Variants in BCL2 observed in about 807,000 individuals in gnomAD.
BCL2 encodes apoptosis regulator Bcl-2.
Under a neutral mutation model 14.2 loss-of-function variants are expected in BCL2, and 1 was observed. The ratio of observed to expected loss-of-function variants is 0.07; its 90% CI spans 0.02 to 0.33. The LOEUF is 0.33. Ranked by LOEUF, BCL2 falls within the 10% of genes least tolerant of loss-of-function variation. The pLI is 0.99. For missense variants in BCL2, 247 were observed against 305.9 expected (o/e 0.81, Z 1.44); for synonymous variants, 151 against 137.2 (o/e 1.10, Z -0.70).
intron 2 of BCL2, among the ~76,000 whole-genome samples, chr18:63,264,287 C>T (rs957583619): frequency 6.6e-6 from 1 of 152,072 alleles, no homozygotes; most frequent in South Asian, 2.1e-4. Flanking sequence ...TGCCCTAAAC[C>T]CTCTCCCTGG....
Position 63,286,471 on chromosome 18 carries a change from G to A in BCL2, c.585+31611C>T, listed in dbSNP as rs759447979. Among the ~76,000 whole-genome samples, 6 of 152,228 alleles carry A rather than the reference G, an allele frequency of 3.9e-5. No individual in the cohort carries two copies. In the South Asian group the frequency reaches 8.3e-4, roughly 21 times the overall value. ...GGAGGGTTCAACAAAGGAGTTGAAC[G>A]TAGCTGGGACGTAAGATTAGGGCAG... On this transcript the variant is annotated intron_variant, in intron 2 of 2. Coordinates refer to ENST00000333681, the MANE Select transcript of BCL2 (RefSeq NM_000633.3).
Position 63,128,406 on chromosome 18 carries a change from T to C in BCL2, c.*219A>G, listed in dbSNP as rs1913971245. ...TCTTAATAATGTAAAAAATAAATGA[T>C]ATTTCCCTTTGGCAGTAAATAGCTG... On this transcript the variant is annotated 3_prime_UTR_variant, in exon 3 of 3. Transcript: ENST00000333681. The C allele has an allele frequency of 2.3e-6, 1 of 429,790 alleles. No homozygotes were observed. Among genetic ancestry groups the C allele is most frequent in the Non-Finnish European group, 4.1e-6 (1 of 241,522 alleles). 26.6% of individuals were successfully genotyped at this position (429,790 alleles called of 1,614,324 possible).
Position 63,293,960 on chromosome 18 carries a change from CT to C in BCL2, c.585+24121del, listed in dbSNP as rs397698226. On this transcript the variant is annotated intron_variant, in intron 2 of 2. Transcript: ENST00000333681. ...ATCTTCACTCCTGTGCTTTTTTTCT[CT>C]TTTTTTTTTTGCAAATCTAGCATCT... Among the ~76,000 whole-genome samples the C allele has an allele frequency of 7.5e-4, 111 of 147,856 alleles. 1 individual carries two copies. Among genetic ancestry groups the C allele is most frequent in the African/African-American group, 1.8e-3 (71 of 40,358 alleles).
At chr18:63,170,824 C>T (rs980824127) in intron 2 of BCL2, among the ~76,000 whole-genome samples, 9 of 152,336 alleles carry the variant, frequency 5.9e-5, no homozygotes, top group South Asian at 2.1e-4. Flanking sequence ...TTGTCATGGA[C>T]GGTCACTGGG....
At chr18:63,236,825 C>T (rs761931989) in intron 2 of BCL2, among the ~76,000 whole-genome samples, 1 of 152,192 alleles carries the variant, frequency 6.6e-6, no homozygotes, top group Non-Finnish European at 1.5e-5. Flanking sequence ...GGCATTAGCT[C>T]TGAGATCTTG....
chr18:63,216,701 G>T lies in BCL2; in HGVS notation c.586-87942C>A, dbSNP rs367694978. ...GAAGTGGAAGACACTGTGCTAAGAT[G>T]ATGTAAAGAGCCTTCCTCTGCACAG... On this transcript the variant is annotated intron_variant, in intron 2 of 2. Coordinates refer to ENST00000333681, the MANE Select transcript of BCL2 (RefSeq NM_000633.3). 1.4e-4 allele frequency among the ~76,000 whole-genome samples: 22 copies of T among 152,310 alleles called. No homozygotes were observed. In the East Asian group the frequency reaches 3.9e-3, roughly 27 times the overall value.
At chr18:63,212,331 C>CAA (rs1352532612) in intron 2 of BCL2, among the ~76,000 whole-genome samples, 2 of 149,810 alleles carry the variant, frequency 1.3e-5, no homozygotes, top group African/African-American at 2.5e-5. Flanking sequence ...CTGTCTCAAA[C>CAA]AAACAAACAA....
chr18:63,214,226 A>G (rs989272541), intron 2 of BCL2, among the ~76,000 whole-genome samples: 1 of 152,238 alleles, frequency 6.6e-6, no homozygotes, highest in Admixed American at 6.5e-5. Context: ...AGCAGGGACG[A>G]GTGCAGAAAG....
chr18:63,277,343 C>T lies in BCL2; in HGVS notation c.585+40739G>A, dbSNP rs544290450. Among the ~76,000 whole-genome samples, 113 of 152,108 alleles carry T rather than the reference C, an allele frequency of 7.4e-4. 7 individuals are homozygous for T. The highest frequency in any genetic ancestry group is 1.3e-4 in the Admixed American group (2 of 15,282). ...AGAACAGTGCCTGAGACATAAAAGG[C>T]ACTTCTTGGCCGGGTGTGGCGGCTC... On this transcript the variant is annotated intron_variant, in intron 2 of 2. Coordinates refer to ENST00000333681, the MANE Select transcript of BCL2 (RefSeq NM_000633.3).
intron 2 of BCL2, chr18:63,302,940 C>G (rs543521386): frequency 1.1e-6 from 1 of 944,926 alleles, no homozygotes; most frequent in Non-Finnish European, 1.3e-6. Flanking sequence ...TCCCTTGATA[C>G]GCCCTGGTTG....
chr18:63,154,750 G>A (rs1364310448), intron 2 of BCL2, among the ~76,000 whole-genome samples: 2 of 152,118 alleles, frequency 1.3e-5, no homozygotes, highest in African/African-American at 4.8e-5. Context: ...ACTGCCACCT[G>A]TCTCTCTCCT....
At chr18:63,255,680 C>T (rs201071492) in intron 2 of BCL2, among the ~76,000 whole-genome samples, 1 of 151,942 alleles carries the variant, frequency 6.6e-6, no homozygotes, top group Admixed American at 6.6e-5. Context: ...CTTGAATTTC[C>T]CCTGTGCAAA....
chr18:63,292,546 G>T (rs914544217), intron 2 of BCL2, among the ~76,000 whole-genome samples: 1 of 152,158 alleles, frequency 6.6e-6, no homozygotes, highest in African/African-American at 2.4e-5. Context: ...TAGAAAGGGG[G>T]GGCTTGCGCA....
chr18:63,317,980 G>A, intron 2 of BCL2, 102 bp downstream of exon 2: 1 of 1,501,062 alleles, frequency 6.7e-7, no homozygotes, highest in Non-Finnish European at 8.9e-7. Context: ...TTATTTCGCC[G>A]GCTCCACAGC....
In BCL2 at chr18:63,138,838, G is replaced by A. The variant is rs143398874; in HGVS notation, c.586-10079C>T. On this transcript the variant is annotated intron_variant, in intron 2 of 2. Coordinates refer to ENST00000333681, the MANE Select transcript of BCL2 (RefSeq NM_000633.3). Reference sequence around the variant, plus strand: ...AGTTGGTCCAGGGAAGTTCTGGTGTGTTCTGTTATGCAAATTTAGCTAAGA... The same window carrying A: ...AGTTGGTCCAGGGAAGTTCTGGTGTATTCTGTTATGCAAATTTAGCTAAGA... Among the ~76,000 whole-genome samples the A allele has an allele frequency of 1.7e-4, 26 of 152,392 alleles. No homozygotes were observed. In the East Asian group the frequency reaches 2.5e-3, roughly 15 times the overall value.
At chr18:63,238,561 G>A (rs1384291183) in intron 2 of BCL2, among the ~76,000 whole-genome samples, 1 of 152,198 alleles carries the variant, frequency 6.6e-6, no homozygotes, top group African/African-American at 2.4e-5. Flanking sequence ...GCAATGTTCT[G>A]TCCCCGTTTT....
At chr18:63,275,921 A>G (rs961092350) in intron 2 of BCL2, among the ~76,000 whole-genome samples, 7 of 152,256 alleles carry the variant, frequency 4.6e-5, no homozygotes, top group Non-Finnish European at 8.8e-5. Context: ...TATTTATTGC[A>G]GGAAAAGGAA....
At chr18:63,132,410 C>T (rs1914092618) in intron 2 of BCL2, among the ~76,000 whole-genome samples, 1 of 152,164 alleles carries the variant, frequency 6.6e-6, no homozygotes, top group Non-Finnish European at 1.5e-5. Flanking sequence ...GCTGAGCCTG[C>T]CGTTTTGCAG....
chr18:63,300,401 T>C (rs1912928733), intron 2 of BCL2, among the ~76,000 whole-genome samples: 2 of 151,554 alleles, frequency 1.3e-5, no homozygotes, highest in South Asian at 4.2e-4. Context: ...ATGTAAGAGT[T>C]TGTTCAAAAA....
Sources: allele counts gnomAD v4.1 joint callset (sites outside exome capture counted in the v4.1 genomes callset), GRCh38; gene constraint gnomAD v4.1.1; transcripts MANE v1.5; gene names NCBI Gene and HGNC (gene_info 2026-07-23, HGNC 2026-07-21).